The following PRKD1 variants were observed in gnomAD, a reference collection of about 807,000 sequenced individuals.
The protein encoded by PRKD1 is serine/threonine-protein kinase D1.
Under a neutral mutation model 95.9 loss-of-function variants are expected in PRKD1, and 63 were observed. The ratio of observed to expected loss-of-function variants is 0.66; its 90% CI spans 0.54 to 0.81. PRKD1 has a LOEUF of 0.81. PRKD1 is among the 30% of genes least tolerant of loss of function. PRKD1 has a pLI of 0.00. For synonymous variants in PRKD1, 425 were observed against 423.1 expected (o/e 1.00, Z -0.05); for missense variants, 1,048 against 1,165.3 (o/e 0.90, Z 1.47).
At chr14:29,622,724 C>T (rs914415669) in intron 13 of PRKD1, among the ~76,000 whole-genome samples, 1 of 152,078 alleles carries the variant, frequency 6.6e-6, no homozygotes, top group African/African-American at 2.4e-5. Flanking sequence ...TTCTACCTCT[C>T]GAGTCAGTAG....
chr14:29,807,053 A>G (rs898366932), intron 1 of PRKD1, among the ~76,000 whole-genome samples: 1 of 152,172 alleles, frequency 6.6e-6, no homozygotes, highest in African/African-American at 2.4e-5. Context: ...GAAAAAAAAA[A>G]TACTTTATTG....
At chr14:29,765,881 T>A (rs1331522838) in intron 1 of PRKD1, among the ~76,000 whole-genome samples, 1 of 151,826 alleles carries the variant, frequency 6.6e-6, no homozygotes, top group Non-Finnish European at 1.5e-5. Flanking sequence ...AGGAAAGGAG[T>A]TGGGAGAGAT....
At chr14:29,860,022 C>A (rs1351205932) in intron 1 of PRKD1, among the ~76,000 whole-genome samples, 1 of 152,162 alleles carries the variant, frequency 6.6e-6, no homozygotes, top group Admixed American at 6.5e-5. Flanking sequence ...TTATATAATT[C>A]AGTACTAGTC....
chr14:29,770,794 T>C (rs1256418049), intron 1 of PRKD1, among the ~76,000 whole-genome samples: 1 of 151,914 alleles, frequency 6.6e-6, no homozygotes, highest in Non-Finnish European at 1.5e-5. Flanking sequence ...CAGTGAGACC[T>C]TGTCTCTACA....
intron 16 of PRKD1, among the ~76,000 whole-genome samples, chr14:29,581,776 G>A (rs968874151): frequency 1.3e-5 from 2 of 152,104 alleles, no homozygotes; most frequent in Non-Finnish European, 2.9e-5. Flanking sequence ...GCCTCATATC[G>A]TTAATTCTCC....
At chr14:29,641,063 G>C (rs1405555877) in intron 4 of PRKD1, among the ~76,000 whole-genome samples, 1 of 152,154 alleles carries the variant, frequency 6.6e-6, no homozygotes, top group African/African-American at 2.4e-5. Flanking sequence ...TCAAGGGCAA[G>C]ATTATGTAAG....
intron 1 of PRKD1, among the ~76,000 whole-genome samples, chr14:29,841,644 A>G (rs1458501563): frequency 1.3e-5 from 2 of 152,162 alleles, no homozygotes; most frequent in Admixed American, 6.5e-5. Context: ...ATGGGGAACT[A>G]TAAGTCCATT....
chr14:29,728,392 A>C (rs1886271405), intron 1 of PRKD1, among the ~76,000 whole-genome samples: 1 of 152,190 alleles, frequency 6.6e-6, no homozygotes. Context: ...AAGCCATGAG[A>C]CATTTTCATC....
chr14:29,769,380 G>A (rs1349432558), intron 1 of PRKD1, among the ~76,000 whole-genome samples: 1 of 152,032 alleles, frequency 6.6e-6, no homozygotes, highest in Non-Finnish European at 1.5e-5. Context: ...ACCAGCCTGG[G>A]CAACATACTG....
intron 1 of PRKD1, among the ~76,000 whole-genome samples, chr14:29,834,617 AT>A (rs566289533): frequency 2.8e-4 from 43 of 151,624 alleles, no homozygotes; most frequent in East Asian, 3.9e-4. Context: ...TTTTCTCCCC[AT>A]TTTTTTTCTA....
chr14:29,695,743 GGAAA>G (rs977407660), intron 2 of PRKD1, among the ~76,000 whole-genome samples: 4 of 152,168 alleles, frequency 2.6e-5, no homozygotes, highest in Non-Finnish European at 5.9e-5. Context: ...TTTTTAAACT[GGAAA>G]GAGTTTTGAG....
chr14:29,750,624 A>G lies in PRKD1; in HGVS notation c.265-24950T>C, dbSNP rs1428915976. 1.1e-4 allele frequency among the ~76,000 whole-genome samples: 17 copies of G among 150,630 alleles called. No individual in the cohort carries two copies. The Admixed American group carries it at 1.2e-3, about 10-fold the overall frequency. On this transcript the variant is annotated intron_variant, in intron 1 of 17. Transcript: ENST00000331968. ...AGGATGCATGAACGCGCGCACACAC[A>G]CACACACACACACTCACACTCACTC...
intron 2 of PRKD1, among the ~76,000 whole-genome samples, chr14:29,670,932 T>G (rs1252080351): frequency 6.6e-6 from 1 of 152,162 alleles, no homozygotes; most frequent in Non-Finnish European, 1.5e-5. Context: ...GGACTTGCAA[T>G]AACATCTTTC....
At chr14:29,915,228 C>A (rs2139128392) in intron 1 of PRKD1, among the ~76,000 whole-genome samples, 1 of 152,238 alleles carries the variant, frequency 6.6e-6, no homozygotes, top group African/African-American at 2.4e-5. Flanking sequence ...GGAAAAAAGG[C>A]CAATTCAGTT....
intron 1 of PRKD1, among the ~76,000 whole-genome samples, chr14:29,758,204 G>C (rs78744007): frequency 1.3e-5 from 2 of 150,248 alleles, no homozygotes; most frequent in South Asian, 4.2e-4. Flanking sequence ...AAAAAAAAAA[G>C]CTACTTCAAT....
At chr14:29,653,399 G>A (rs913739835) in intron 4 of PRKD1, among the ~76,000 whole-genome samples, 2 of 151,960 alleles carry the variant, frequency 1.3e-5, no homozygotes, top group South Asian at 4.2e-4. Flanking sequence ...TAAATTAGTA[G>A]ATACCTCCTT....
intron 1 of PRKD1, among the ~76,000 whole-genome samples, chr14:29,758,884 A>T (rs1887836366): frequency 6.6e-6 from 1 of 152,204 alleles, no homozygotes; most frequent in African/African-American, 2.4e-5. Flanking sequence ...TTGTCACATC[A>T]GTTATTTTCC....
At chr14:29,792,522 G>A (rs976285776) in intron 1 of PRKD1, among the ~76,000 whole-genome samples, 1 of 151,976 alleles carries the variant, frequency 6.6e-6, no homozygotes, top group South Asian at 2.1e-4. Context: ...TTAAAGTTTC[G>A]AAGACCAAAG....
At chr14:29,905,254 C>A (rs1185295704) in intron 1 of PRKD1, among the ~76,000 whole-genome samples, 1 of 152,158 alleles carries the variant, frequency 6.6e-6, no homozygotes, top group Non-Finnish European at 1.5e-5. Context: ...TGGAATCACA[C>A]TACATCATCA....
Sources: gnomAD v4.1 joint callset for allele counts (sites outside exome capture counted in the v4.1 genomes callset) on GRCh38, gnomAD v4.1.1 for gene constraint, MANE v1.5 for transcripts, NCBI Gene and HGNC (gene_info 2026-07-23, HGNC 2026-07-21) for gene names.